Variants in TMEM170A observed in about 807,000 individuals in gnomAD.
TMEM170A encodes the protein transmembrane protein 170.
A neutral mutation model predicts 12.8 loss-of-function variants in TMEM170A; 18 were observed. The observed-to-expected ratio is 1.41, with a 90% CI of 0.97 to 2.09. The LOEUF is 2.09. Among genes scored for constraint, TMEM170A ranks in the 30% most tolerant of loss-of-function variants. The probability of loss-of-function intolerance (pLI) is 0.00; values close to 1 mark genes in which losing one functional copy is unlikely to be tolerated. For synonymous variants in TMEM170A, 107 were observed against 76.2 expected (o/e 1.40, Z -2.11); for missense variants, 220 against 179.9 (o/e 1.22, Z -1.28).
chr16:75,456,739 A>G (rs2079805380), intron 1 of TMEM170A, among the ~76,000 whole-genome samples: 1 of 152,090 alleles, frequency 6.6e-6, no homozygotes, highest in Non-Finnish European at 1.5e-5. Context: ...CTCCCTAACA[A>G]ATGTGCACCT....
At chr16:75,464,305 G>C (rs1401065997) in intron 1 of TMEM170A, 163 bp downstream of exon 1, 15 of 1,472,778 alleles carry the variant, frequency 1.0e-5, no homozygotes, top group African/African-American at 2.9e-5. Context: ...AAGAAGTGAT[G>C]GGGAAAGGGG....
chr16:75,464,543 G>C lies in TMEM170A; in HGVS notation c.58C>G (p.Leu20Val), dbSNP rs2079964755. The change falls in exon 1 of 3, where the codon CTG becomes GTG. Residue 20 changes from leucine to valine, a missense_variant. By Grantham distance (32) the Leu-to-Val change is conservative. Transcript: ENST00000561878. ...GGSAGLLQQILSLKVVPRVGN... is the reference protein window; with the variant it reads ...GGSAGLLQQIVSLKVVPRVGN... ...ACCCGCGGCACAACCTTCAGGCTCA[G>C]GATCTGCTGCAGGAGCCCGGCCGAC... The C allele has an allele frequency of 1.3e-6, 2 of 1,589,598 alleles. No individual in the cohort carries two copies. The highest frequency in any genetic ancestry group is 4.8e-5 in the East Asian group (2 of 41,480).
intron 1 of TMEM170A, 131 bp downstream of exon 1, chr16:75,464,337 C>G (rs1312853632): frequency 1.4e-6 from 2 of 1,383,158 alleles, no homozygotes; most frequent in South Asian, 1.5e-5. Flanking sequence ...CAGCACGGCC[C>G]CCCTCCCGGA....
chr16:75,451,488 G>GC, intron 2 of TMEM170A, 181 bp downstream of exon 2: 1 of 644,662 alleles, frequency 1.6e-6, no homozygotes, highest in Non-Finnish European at 2.7e-6. Flanking sequence ...GGTGGAGGCT[G>GC]CAGTGAGCCA....
rs1257141656 is a variant in TMEM170A, at chr16:75,444,058, A to T, written c.*3500T>A. Reference sequence around the variant, plus strand: ...AGCTGAGACCATGCCACTGCACTCCAGCCTTGGAGACAGAGCAAGACTCCA... The same window carrying T: ...AGCTGAGACCATGCCACTGCACTCCTGCCTTGGAGACAGAGCAAGACTCCA... On this transcript the variant is annotated 3_prime_UTR_variant, in exon 3 of 3. Transcript: ENST00000561878. The T allele has an allele frequency of 6.6e-6, 1 of 152,026 alleles. No individual in the cohort carries two copies. The highest frequency in any genetic ancestry group is 1.9e-4 in the East Asian group (1 of 5,198). The allele number at this position is 152,026 out of a possible 1,614,324, so 9.4% of individuals were successfully genotyped here.
At chr16:75,454,415 A>C (rs1206490556) in intron 1 of TMEM170A, among the ~76,000 whole-genome samples, 2 of 151,942 alleles carry the variant, frequency 1.3e-5, no homozygotes, top group Non-Finnish European at 2.9e-5. Context: ...TCAGGAGTTC[A>C]AGACCAGCCT....
At chr16:75,462,453 C>G (rs2079925301) in intron 1 of TMEM170A, among the ~76,000 whole-genome samples, 1 of 152,216 alleles carries the variant, frequency 6.6e-6, no homozygotes, top group South Asian at 2.1e-4. Context: ...AGGTGATACG[C>G]CTGCCTCAGC....
intron 1 of TMEM170A, among the ~76,000 whole-genome samples, chr16:75,462,092 C>T (rs1186305901): frequency 6.6e-6 from 1 of 152,192 alleles, no homozygotes; most frequent in Non-Finnish European, 1.5e-5. Context: ...TAGACATCAT[C>T]TTCACCAAAT....
chr16:75,452,995 A>G (rs527945456), intron 1 of TMEM170A, among the ~76,000 whole-genome samples: 10 of 152,312 alleles, frequency 6.6e-5, no homozygotes, highest in Non-Finnish European at 1.3e-4. Context: ...TTCAAGGGCA[A>G]AGCTGATAAC....
chr16:75,451,640 T>C, intron 2 of TMEM170A, 29 bp downstream of exon 2: 1 of 1,612,484 alleles, frequency 6.2e-7, no homozygotes, highest in Non-Finnish European at 8.5e-7. Context: ...ATTAAACATT[T>C]TTGACTGGTA....
chr16:75,456,621 AGCC>A (rs1243319293), intron 1 of TMEM170A, among the ~76,000 whole-genome samples: 1 of 152,130 alleles, frequency 6.6e-6, no homozygotes, highest in Non-Finnish European at 1.5e-5. Context: ...TTTCTCTTCT[AGCC>A]GCCATTAGGC....
chr16:75,453,359 G>C (rs374084751), intron 1 of TMEM170A, among the ~76,000 whole-genome samples: 53 of 152,262 alleles, frequency 3.5e-4, no homozygotes, highest in African/African-American at 1.3e-3. Flanking sequence ...GCTTGAGCCT[G>C]GGAGGCAGAG....
intron 1 of TMEM170A, among the ~76,000 whole-genome samples, chr16:75,463,117 A>G (rs947555513): frequency 6.6e-6 from 1 of 152,152 alleles, no homozygotes; most frequent in African/African-American, 2.4e-5. Flanking sequence ...AATATTACTG[A>G]GTCTAAGTAA....
rs2079692899 is a variant in TMEM170A at position 75,451,856 on chromosome 16, A to G, written c.134-17T>C. 1.3e-6 allele frequency: 2 copies of G among 1,596,142 alleles called. No individual in the cohort carries two copies. Among genetic ancestry groups the G allele is most frequent in the African/African-American group, 1.3e-5 (1 of 74,460 alleles). ...ACCACATCTCTATGAGGGAAGACAA[A>G]GAAAAGTTGTGAATCACTGCCCTTC... On this transcript the variant is annotated splice_polypyrimidine_tract_variant and intron_variant, in intron 1 of 2. Transcript: ENST00000561878.
chr16:75,464,566 G>A lies in TMEM170A; in HGVS notation c.35C>T (p.Ser12Leu), dbSNP rs948654970. The A allele has an allele frequency of 3.2e-6, 5 of 1,583,952 alleles. No individual in the cohort carries two copies. Among genetic ancestry groups the A allele is most frequent in the East Asian group, 2.4e-5 (1 of 40,888 alleles). ...CAGGATCTGCTGCAGGAGCCCGGCC[G>A]ACCCGCCGCTGCCGCCGCTCCCCTC... Reference protein sequence around the residue: ...EREGSGGSGGSAGLLQQILSL... With the variant: ...EREGSGGSGGLAGLLQQILSL... The change falls in exon 1 of 3, where the codon TCG (serine) becomes TTG (leucine). Residue 12 changes from serine (S) to leucine (L), a missense_variant. Coordinates refer to ENST00000561878, the MANE Select transcript of TMEM170A (RefSeq NM_145254.3).
intron 2 of TMEM170A, among the ~76,000 whole-genome samples, chr16:75,450,158 G>A (rs2079656660): frequency 7.5e-6 from 1 of 132,724 alleles, no homozygotes; most frequent in African/African-American, 2.9e-5. Flanking sequence ...TTAGAACACA[G>A]AGAAACTAGG....
chr16:75,453,064 G>A (rs2079718017), intron 1 of TMEM170A, among the ~76,000 whole-genome samples: 1 of 151,902 alleles, frequency 6.6e-6, no homozygotes, highest in Admixed American at 6.6e-5. Context: ...GCCCTTCACA[G>A]AAAAAGCTGA....
At chr16:75,463,068 CAG>C (rs144489610) in intron 1 of TMEM170A, among the ~76,000 whole-genome samples, 1,710 of 151,912 alleles carry the variant, frequency 0.011, 16 homozygotes, top group Middle Eastern at 0.044. Context: ...AGAAAGAGAG[CAG>C]AGAGAGAGAA....
intron 1 of TMEM170A, among the ~76,000 whole-genome samples, chr16:75,463,835 AG>A (rs1245730995): frequency 3.9e-5 from 6 of 152,302 alleles, no homozygotes; most frequent in African/African-American, 1.4e-4. Flanking sequence ...CGCAGCGGGG[AG>A]GAAGAGTTCA....
Sources: gnomAD v4.1 joint callset for allele counts (sites outside exome capture counted in the v4.1 genomes callset) on GRCh38, gnomAD v4.1.1 for gene constraint, MANE v1.5 for transcripts, NCBI Gene and HGNC (gene_info 2026-07-23, HGNC 2026-07-21) for gene names.